The following PCDHA1 variants were observed in gnomAD, a reference collection of about 807,000 sequenced individuals.
PCDHA1 encodes the protein protocadherin alpha 1, also known as protocadherin alpha-1.
Under a neutral mutation model 61.3 loss-of-function variants are expected in PCDHA1, and 42 were observed. The observed-to-expected ratio is 0.69, with a 90% confidence interval of 0.54 to 0.89. The LOEUF is 0.89. PCDHA1 is among the 40% of genes least tolerant of loss of function. The pLI, the probability that PCDHA1 is intolerant of heterozygous loss-of-function variation, is 0.00. For synonymous variants in PCDHA1, 610 were observed against 553.8 expected (o/e 1.10, Z -1.43); for missense variants, 1,256 against 1,235.3 (o/e 1.02, Z -0.25).
chr5:140,860,740 T>G (rs934240513), intron 1 of PCDHA1: 1 of 152,266 alleles, frequency 6.6e-6, no homozygotes, highest in Non-Finnish European at 1.5e-5. Context: ...TTTTGTTTTT[T>G]ATTTTTTATT....
chr5:140,994,717 A>T (rs1350882833), intron 3 of PCDHA1, among the ~76,000 whole-genome samples: 4 of 152,164 alleles, frequency 2.6e-5, no homozygotes, highest in Admixed American at 6.6e-5. Context: ...AAAAAAATTT[A>T]AAATACTGGG....
intron 1 of PCDHA1, among the ~76,000 whole-genome samples, chr5:140,839,729 A>G (rs1554137556): frequency 6.6e-6 from 1 of 152,080 alleles, no homozygotes; most frequent in Non-Finnish European, 1.5e-5. Flanking sequence ...CATTTCACAG[A>G]AAATACCCTT....
rs1777975197 is a variant in PCDHA1 at position 140,842,460 on chromosome 5, G to C, written c.2394+53776G>C. On this transcript the variant is annotated intron_variant, in intron 1 of 3. Coordinates refer to ENST00000504120, the MANE Select transcript of PCDHA1 (RefSeq NM_018900.4). ...ATTAGCGTGAACGACCTCGATTCAGGTGCCAACGGGCAGGTGACCTGCTCC... is the reference window on the plus strand; with the variant it reads ...ATTAGCGTGAACGACCTCGATTCAGCTGCCAACGGGCAGGTGACCTGCTCC... 1 of 1,613,782 alleles carries C rather than the reference G, an allele frequency of 6.2e-7. No homozygotes were observed. The highest frequency in any genetic ancestry group is 1.1e-5 in the South Asian group (1 of 91,070).
Position 140,786,612 on chromosome 5 carries a change from T to G in PCDHA1, c.322T>G (p.Leu108Val), listed in dbSNP as rs141936897. ...WSAECSIHLE[L>V]IADRPLQVFH... ...CGCGGAGTGCAGCATCCACCTGGAGTTGATCGCCGACAGGCCGCTGCAGGT... is the reference window on the plus strand; with the variant it reads ...CGCGGAGTGCAGCATCCACCTGGAGGTGATCGCCGACAGGCCGCTGCAGGT... Residue 108 changes from leucine to valine, a missense_variant, in exon 1 of 4, where the codon TTG becomes GTG. Leu to Val is a conservative substitution (Grantham distance 32). Coordinates refer to ENST00000504120, the MANE Select transcript of PCDHA1 (RefSeq NM_018900.4). 1.9e-5 allele frequency: 31 copies of G among 1,614,046 alleles called. No homozygotes were observed. The African/African-American group carries it at 3.6e-4, about 19-fold the overall frequency.
chr5:140,876,690 G>T, intron 1 of PCDHA1: 1 of 1,614,174 alleles, frequency 6.2e-7, no homozygotes, highest in Admixed American at 1.7e-5. Flanking sequence ...ATTACTACTC[G>T]TTGGTGCTGG....
intron 1 of PCDHA1, among the ~76,000 whole-genome samples, chr5:140,917,117 C>T (rs1318149439): frequency 3.3e-5 from 5 of 152,018 alleles, no homozygotes; most frequent in South Asian, 2.1e-4. Flanking sequence ...CCTCCAAGTG[C>T]GCAGACTCCC....
intron 1 of PCDHA1, chr5:140,875,728 G>T: frequency 6.2e-7 from 1 of 1,614,238 alleles, no homozygotes; most frequent in East Asian, 2.2e-5. Flanking sequence ...CATTTTGTTT[G>T]TGAATTCTCG....
In PCDHA1 at chr5:140,869,686, A is replaced by T. The variant is rs782130952; in HGVS notation, c.2394+81002A>T. ...TAAGCAGATTAAAAGACTGTCACTT[A>T]TTTTAAAGAAGTCTCTGGATAGAGA... On this transcript the variant is annotated intron_variant, in intron 1 of 3. Transcript: ENST00000504120. The T allele has an allele frequency of 5.6e-6, 9 of 1,613,330 alleles. No homozygotes were observed. In the African/African-American group the frequency reaches 1.2e-4, roughly 22 times the overall value.
At chr5:140,876,044 T>G in intron 1 of PCDHA1, 2 of 1,613,884 alleles carry the variant, frequency 1.2e-6, no homozygotes, top group Non-Finnish European at 1.7e-6. Context: ...AAAAGTATAT[T>G]GCCTGAATTA....
chr5:140,877,335 G>T, intron 1 of PCDHA1: 2 of 1,613,978 alleles, frequency 1.2e-6, no homozygotes, highest in Non-Finnish European at 1.7e-6. Context: ...CGCACATCCC[G>T]TTCCACGTGG....
chr5:140,828,740 G>C (rs2150158441), intron 1 of PCDHA1: 1 of 1,614,226 alleles, frequency 6.2e-7, no homozygotes, highest in Admixed American at 1.7e-5. Context: ...AGCCACAGAT[G>C]GGGGCAAACC....
At chr5:140,839,706 G>A (rs2150300101) in intron 1 of PCDHA1, among the ~76,000 whole-genome samples, 1 of 152,134 alleles carries the variant, frequency 6.6e-6, no homozygotes, top group South Asian at 2.1e-4. Context: ...ATAATGTGAT[G>A]ACAAATTTAA....
At chr5:140,870,092 C>T (rs2051656113) in intron 1 of PCDHA1, 2 of 1,613,728 alleles carry the variant, frequency 1.2e-6, no homozygotes, top group African/African-American at 1.3e-5. Context: ...CCCCCAATGG[C>T]AGGTCACTGT....
At chr5:140,995,570 A>G (rs186345842) in intron 3 of PCDHA1, among the ~76,000 whole-genome samples, 1 of 152,210 alleles carries the variant, frequency 6.6e-6, no homozygotes, top group African/African-American at 2.4e-5. Flanking sequence ...ATATGTCAAG[A>G]TGAGCTATGA....
intron 1 of PCDHA1, chr5:140,871,024 T>C: frequency 6.2e-7 from 1 of 1,613,196 alleles, no homozygotes; most frequent in Non-Finnish European, 8.5e-7. Context: ...CGAGGCAGAC[T>C]CGCCGCGCCA....
At chr5:140,921,060 A>T (rs543644748) in intron 1 of PCDHA1, among the ~76,000 whole-genome samples, 11 of 152,040 alleles carry the variant, frequency 7.2e-5, no homozygotes, top group African/African-American at 2.7e-4. Flanking sequence ...GCTCACTCTA[A>T]CCTTGAACTC....
intron 1 of PCDHA1, chr5:140,850,885 G>C: frequency 1.3e-6 from 2 of 1,582,746 alleles, no homozygotes; most frequent in South Asian, 1.1e-5. Flanking sequence ...GATTCAACTG[G>C]GAAGGTGGGT....
chr5:140,877,057 G>C, intron 1 of PCDHA1: 1 of 1,612,862 alleles, frequency 6.2e-7, no homozygotes. Flanking sequence ...CGAGGAGCTG[G>C]AGCTGCTGCA....
intron 1 of PCDHA1, chr5:140,842,836 G>C: frequency 6.3e-7 from 1 of 1,593,818 alleles, no homozygotes; most frequent in Non-Finnish European, 8.6e-7. Context: ...GCTCGCTGTC[G>C]AGCTACATTT....
Sources: allele counts gnomAD v4.1 joint callset (sites outside exome capture counted in the v4.1 genomes callset), GRCh38; gene constraint gnomAD v4.1.1; transcripts MANE v1.5; gene names NCBI Gene and HGNC (gene_info 2026-07-23, HGNC 2026-07-21).